The following ZNF687 variants were observed in gnomAD, a reference collection of about 807,000 sequenced individuals.
The protein encoded by ZNF687 is zinc finger protein 687.
Under a neutral mutation model 71.8 loss-of-function variants are expected in ZNF687, and 13 were observed. That is an observed-to-expected ratio of 0.18 (90% CI 0.12 to 0.29). The LOEUF (loss-of-function observed/expected upper bound fraction) is 0.29, where lower values mean the gene tolerates loss of function less well. Among genes scored for constraint, ZNF687 ranks in the 10% least tolerant of loss-of-function variants. The pLI is 1.00. For synonymous variants in ZNF687, 673 were observed against 641.6 expected, an observed-to-expected ratio of 1.05 and a Z score of -0.74; for missense variants, 1,412 against 1,625.6, an observed-to-expected ratio of 0.87 and a Z score of 2.26.
chr1:151,289,858 C>T lies in ZNF687; in HGVS notation c.2815C>T (p.Arg939Cys), dbSNP rs754419008. Residue 939 changes from arginine to cysteine, a missense_variant, in exon 6 of 9, where the codon CGT becomes TGT. Physicochemically the swap from Arg to Cys is radical, Grantham distance 180. Around this residue, in one of 8 missense-constraint regions of ZNF687, gnomAD observed 135 missense variants for 104.1 expected, o/e 1.30. Transcript: ENST00000336715. ...EEVPSSPEPP[R>C]PAKRPRRELG... ...AGTACCCAGCTCCCCTGAGCCCCCC[C>T]GTCCAGCCAAACGGCCTCGGCGGGA... 1.8e-4 allele frequency: 283 copies of T among 1,567,598 alleles called. 1 individual carries two copies. In the Middle Eastern group the frequency reaches 1.8e-3, roughly 10 times the overall value.
In ZNF687 at chr1:151,290,851, C is replaced by A. The variant is rs1172793714; in HGVS notation, c.3356C>A (p.Ser1119Tyr). ...HGPLRYRSSSSTEQSLMMGLR... is the reference protein window; with the variant it reads ...HGPLRYRSSSYTEQSLMMGLR... ...CCTCTGCGCTACCGGAGCAGCAGCT[C>A]CACAGAACAGAGCCTCATGATGGGG... Residue 1119 changes from serine (S) to tyrosine (Y), a missense_variant, in exon 9 of 9, where the codon TCC becomes TAC. Ser to Tyr is a moderately radical substitution (Grantham distance 144). Transcript: ENST00000336715. 6.2e-7 allele frequency: 1 copy of A among 1,613,940 alleles called. No homozygotes were observed. Among genetic ancestry groups the A allele is most frequent in the African/African-American group, 1.3e-5 (1 of 74,906 alleles).
Position 151,288,080 on chromosome 1 carries a change from T to A in ZNF687, c.1789T>A (p.Leu597Met), listed in dbSNP as rs774891537. 3.1e-6 allele frequency: 5 copies of A among 1,614,010 alleles called. No homozygotes were observed. In the South Asian group the frequency reaches 5.5e-5, roughly 18 times the overall value. The change falls in exon 2 of 9, where the codon TTG becomes ATG. Residue 597 changes from leucine to methionine, a missense_variant. By Grantham distance (15) the Leu-to-Met change is conservative. Transcript: ENST00000336715. ...DKGLVMQCSHLVMRPVALDQM... is the reference protein window; with the variant it reads ...DKGLVMQCSHMVMRPVALDQM... ...GGGGCTCGTCATGCAGTGCTCACAT[T>A]TGGTCATGAGGCCTGTAGCCCTTGA... is the stretch of plus-strand genomic sequence containing the variant.
intron 1 of ZNF687, among the ~76,000 whole-genome samples, chr1:151,282,834 C>A (rs587746868): frequency 1.3e-5 from 2 of 152,142 alleles, no homozygotes; most frequent in African/African-American, 4.8e-5. Context: ...CCCCGGCCCC[C>A]TGCGCACCCC....
Position 151,288,400 on chromosome 1 carries a change from C to T in ZNF687, c.2109C>T (p.Thr703=). The change falls in exon 2 of 9, where the codon ACC becomes ACT. Residue 703 remains threonine, a synonymous_variant. Transcript: ENST00000336715. ...TCGGCCCCCCTGCCCCTGGGGCCAC[C>T]AGCAATGTGAGTCACCTTTCACAGC... ...QQLGPPAPGA[T]SNVCPTCPMM... is the part of the protein sequence containing the mutation. The T allele has an allele frequency of 1.2e-6, 2 of 1,603,562 alleles. No individual in the cohort carries two copies. Among genetic ancestry groups the T allele is most frequent in the Non-Finnish European group, 1.7e-6 (2 of 1,175,528 alleles).
rs1205466864 is a variant in ZNF687, at chr1:151,289,680, C to T, written c.2637C>T (p.Asn879=). The T allele has an allele frequency of 1.3e-6, 2 of 1,573,944 alleles. No individual in the cohort carries two copies. The highest frequency in any genetic ancestry group is 2.3e-5 in the East Asian group (1 of 42,836). ...QKRTMLEHLK[N]THQSGRLEET... is the part of the protein sequence containing the mutation. ...ACCTCCCTTGTCTCCTCTCACAGAA[C>T]ACCCATCAGTCTGGGCGCTTGGAGG... Residue 879 remains asparagine (N), a splice_region_variant and synonymous_variant, in exon 6 of 9, where the codon AAC becomes AAT. Coordinates refer to ENST00000336715, the MANE Select transcript of ZNF687 (RefSeq NM_020832.3).
At position 151,291,162 on chromosome 1, in the gene ZNF687, G is replaced by A. The variant is rs1694229650; in HGVS notation, c.3667G>A (p.Gly1223Ser). The A allele has an allele frequency of 6.8e-6, 11 of 1,613,002 alleles. No individual in the cohort carries two copies. Among genetic ancestry groups the A allele is most frequent in the Non-Finnish European group, 9.3e-6 (11 of 1,179,968 alleles). The change falls in exon 9 of 9, where the codon GGC (glycine) becomes AGC (serine). Residue 1223 changes from glycine (G) to serine (S), a missense_variant. This residue lies in a region of ZNF687 where 284 missense variants were observed against 359.2 expected (regional missense o/e 0.79). Coordinates refer to ENST00000336715, the MANE Select transcript of ZNF687 (RefSeq NM_020832.3). ...CCTCAAGACCCACTTCCGCACGCAT[G>A]GCATGGCGTTCATCAGGGCTCGGCA... ...LNLKTHFRTH[G>S]MAFIRARQGA...
rs1000179997 is a variant in ZNF687, at chr1:151,291,335, TGAA to T, written c.*135_*137del. 83 of 1,258,742 alleles carry T rather than the reference TGAA, an allele frequency of 6.6e-5. No homozygotes were observed. The highest frequency in any genetic ancestry group is 2.4e-4 in the African/African-American group (16 of 66,200). 78.0% of individuals were successfully genotyped at this position (1,258,742 alleles called of 1,614,324 possible). On this transcript the variant is annotated 3_prime_UTR_variant, in exon 9 of 9. Transcript: ENST00000336715. ...TTTGTTAATTCCTGTCTCTCCAACC[TGAA>T]GAAGAAGAGCATTTGAGGATTATTC... is the stretch of plus-strand genomic sequence containing the variant.
intron 1 of ZNF687, chr1:151,284,091 G>C: frequency 1.0e-6 from 1 of 985,306 alleles, no homozygotes; most frequent in South Asian, 4.7e-5. Context: ...TTTTGCACTT[G>C]GCCAGGTTGA....
chr1:151,290,519 C>G lies in ZNF687; in HGVS notation c.3165C>G (p.Ala1055=). The G allele has an allele frequency of 1.2e-6, 2 of 1,613,892 alleles. No homozygotes were observed. The highest frequency in any genetic ancestry group is 1.7e-6 in the Non-Finnish European group (2 of 1,179,964). ...VQVRHGLQLG[A]QSPGRGTTLA... ...TCCGGCACGGCTTGCAGCTTGGGGC[C>G]CAGTCCCCTGGCCGGGGGACCACCT... The change falls in exon 8 of 9, where the codon GCC becomes GCG. Residue 1055 remains alanine (A), a synonymous_variant. Coordinates refer to ENST00000336715, the MANE Select transcript of ZNF687 (RefSeq NM_020832.3).
chr1:151,291,112 G>C lies in ZNF687; in HGVS notation c.3617G>C (p.Gly1206Ala), dbSNP rs752113838. 1.2e-6 allele frequency: 2 copies of C among 1,613,422 alleles called. No individual in the cohort carries two copies. Among genetic ancestry groups the C allele is most frequent in the South Asian group, 2.2e-5 (2 of 91,082 alleles). The change falls in exon 9 of 9, where the codon GGC (glycine) becomes GCC (alanine). Residue 1206 changes from glycine to alanine, a missense_variant. By Grantham distance (60) the Gly-to-Ala change is moderately conservative. This residue lies in a region of ZNF687 where 284 missense variants were observed against 359.2 expected (regional missense o/e 0.79). Transcript: ENST00000336715. ...SGGPLTCKVCGKSCDSPLNLK... is the reference protein window; with the variant it reads ...SGGPLTCKVCAKSCDSPLNLK... Reference sequence around the variant, plus strand: ...GGCCCACTGACCTGTAAGGTCTGTGGCAAGAGCTGCGACAGCCCTCTAAAC... The same window carrying C: ...GGCCCACTGACCTGTAAGGTCTGTGCCAAGAGCTGCGACAGCCCTCTAAAC...
chr1:151,285,864 C>G (rs1693924132), intron 1 of ZNF687: 1 of 154,620 alleles, frequency 6.5e-6, no homozygotes, highest in Non-Finnish European at 1.4e-5. Flanking sequence ...CATGTGCCAC[C>G]ACACCTGTCT....
upstream of ZNF687, chr1:151,281,974 A>T: frequency 8.3e-7 from 1 of 1,205,666 alleles, no homozygotes; most frequent in Non-Finnish European, 1.1e-6. Flanking sequence ...CCAGTAGGCA[A>T]GCTGGGAAGC....
rs1276672607 is a variant in ZNF687 at position 151,286,319 on chromosome 1, G to C, written c.28G>C (p.Asp10His). 6.3e-7 allele frequency: 1 copy of C among 1,576,724 alleles called. No homozygotes were observed. The highest frequency in any genetic ancestry group is 2.2e-5 in the East Asian group (1 of 44,608). MGDMKTPDF[D>H]DLLAAFDIPD... ...GGGGGATATGAAGACCCCTGATTTT[G>C]ATGACCTCCTTGCTGCCTTTGACAT... The change falls in exon 2 of 9, where the codon GAT becomes CAT. Residue 10 changes from aspartate (D) to histidine (H), a missense_variant. This residue lies in a region of ZNF687 where 490 missense variants were observed against 489.9 expected (regional missense o/e 1.00). Transcript: ENST00000336715.
At chr1:151,281,744 ATTCTG>A, upstream of ZNF687, 3 of 398,098 alleles carry the variant, frequency 7.5e-6, no homozygotes, top group Non-Finnish European at 1.6e-5. Flanking sequence ...GTGGCGTCCC[ATTCTG>A]TAACTTCTGT....
chr1:151,290,229 C>T lies in ZNF687; in HGVS notation c.3072C>T (p.Pro1024=), dbSNP rs772960223. 1 of 1,613,954 alleles carries T rather than the reference C, an allele frequency of 6.2e-7. No individual in the cohort carries two copies. Among genetic ancestry groups the T allele is most frequent in the Non-Finnish European group, 8.5e-7 (1 of 1,180,010 alleles). The change falls in exon 7 of 9, where the codon CCC becomes CCT. Residue 1024 remains proline, a synonymous_variant. Transcript: ENST00000336715. ...VNHEGIKRVY[P]CRYCTEGKRT... is the part of the protein sequence containing the mutation. ...ACGAGGGCATCAAGCGAGTTTACCC[C>T]TGCAGGTAAGTCTTGCTCCCCGCTT...
intron 1 of ZNF687, chr1:151,286,009 C>A: frequency 3.6e-6 from 1 of 280,324 alleles, no homozygotes; most frequent in Non-Finnish European, 6.6e-6. Flanking sequence ...CCGCACCTGG[C>A]CCCTTCCCTG....
intron 8 of ZNF687, 66 bp downstream of exon 8, chr1:151,290,639 C>A: frequency 1.3e-6 from 2 of 1,581,374 alleles, no homozygotes; most frequent in Non-Finnish European, 1.7e-6. Flanking sequence ...GAGACCATGG[C>A]CTCAGGAAGC....
intron 1 of ZNF687, chr1:151,284,172 A>G: frequency 1.0e-6 from 1 of 985,264 alleles, no homozygotes; most frequent in Non-Finnish European, 1.2e-6. Flanking sequence ...AAGTTAGGGG[A>G]TGGAATGGGG....
rs1267659576 is a variant in ZNF687, at chr1:151,287,604, C to G, written c.1313C>G (p.Ala438Gly). 2.9e-5 allele frequency: 46 copies of G among 1,613,556 alleles called. No homozygotes were observed. Among genetic ancestry groups the G allele is most frequent in the Non-Finnish European group, 3.8e-5 (45 of 1,179,860 alleles). Residue 438 changes from alanine (A) to glycine (G), a missense_variant, in exon 2 of 9, where the codon GCT becomes GGT. Transcript: ENST00000336715. The surrounding 1 kb of genome is among the most constrained non-coding windows in gnomAD (Gnocchi z 5.0). ...GGTATSPKMI[A>G]KNVLGLVPQA... is the part of the protein sequence containing the mutation. ...ACTGCCACCAGCCCTAAGATGATTG[C>G]TAAGAACGTGCTAGGCCTGGTGCCC...
Sources: allele counts gnomAD v4.1 joint callset (sites outside exome capture counted in the v4.1 genomes callset), GRCh38; gene constraint gnomAD v4.1.1; regional missense constraint gnomAD v4.1.1; non-coding constraint Gnocchi (gnomAD v3.1); transcripts MANE v1.5; gene names NCBI Gene and HGNC (gene_info 2026-07-23, HGNC 2026-07-21).